RUVBL2: variants seen among roughly 807,000 people sequenced by gnomAD.
The protein encoded by RUVBL2 is RuvB like AAA ATPase 2, also known as ruvB-like 2.
Under a neutral mutation model 57.9 loss-of-function variants are expected in RUVBL2, and 9 were observed. That is an observed-to-expected ratio of 0.16 (90% CI 0.09 to 0.27). RUVBL2 has a LOEUF of 0.27. Among genes scored for constraint, RUVBL2 ranks in the 10% least tolerant of loss-of-function variants. The pLI, the probability that RUVBL2 is intolerant of heterozygous loss-of-function variation, is 1.00. For synonymous variants in RUVBL2, 278 were observed against 264.6 expected, an observed-to-expected ratio of 1.05 and a Z score of -0.49; for missense variants, 456 against 669.6, an observed-to-expected ratio of 0.68 and a Z score of 3.52.
At chr19:49,006,868 C>T (rs1404039394) in intron 4 of RUVBL2, 150 bp from the exon 5 acceptor site, 15 of 980,312 alleles carry the variant, frequency 1.5e-5, no homozygotes, top group Admixed American at 1.1e-4. Context: ...CCCTCCCCAG[C>T]GCTCTGCTCA....
intron 1 of RUVBL2, among the ~76,000 whole-genome samples, chr19:48,999,004 G>A (rs2039122087): frequency 6.6e-6 from 1 of 152,098 alleles, no homozygotes; most frequent in Admixed American, 6.5e-5. Context: ...TCCAGCCTGG[G>A]TGACAGAGCG....
chr19:49,012,880 C>T (rs577532419), intron 11 of RUVBL2, among the ~76,000 whole-genome samples: 1,785 of 151,616 alleles, frequency 0.012, 40 homozygotes, highest in African/African-American at 0.041. Flanking sequence ...CACACACACA[C>T]ACACCACCCC....
chr19:49,007,328 A>T lies in RUVBL2; in HGVS notation c.422A>T (p.Glu141Val). ...IKEETEIIEG[E>V]VVEIQIDRPA... The stretch of plus-strand genomic sequence containing the variant: ...GAGGAGACGGAGATCATCGAAGGGG[A>T]GGTGGTGGAGATCCAGATTGATCGA... Residue 141 changes from glutamate (E) to valine (V), a missense_variant, in exon 6 of 15, where the codon GAG becomes GTG. Transcript: ENST00000595090. 1 of 1,613,972 alleles carries T rather than the reference A, an allele frequency of 6.2e-7. No homozygotes were observed. The highest frequency in any genetic ancestry group is 8.5e-7 in the Non-Finnish European group (1 of 1,179,980).
chr19:49,013,828 C>T (rs1338925683), intron 11 of RUVBL2, among the ~76,000 whole-genome samples: 2 of 152,182 alleles, frequency 1.3e-5, no homozygotes, highest in Non-Finnish European at 2.9e-5. Context: ...GCAGGAGGAT[C>T]GGTTGAACCC....
chr19:49,000,076 A>T (rs2122588458), intron 2 of RUVBL2, among the ~76,000 whole-genome samples: 1 of 152,316 alleles, frequency 6.6e-6, no homozygotes, highest in African/African-American at 2.4e-5. Context: ...CCAGTGCTGG[A>T]TTCCTGGAGC....
In RUVBL2 at chr19:48,999,257, A is replaced by G. The variant is rs2039129183; in HGVS notation, c.13-62A>G. ...AAGGACCATCTCATGGGAGGGACAG[A>G]GGAGGGGTTGGTGAAAGCTGGGACC... On this transcript the variant is annotated intron_variant, in intron 1 of 14. Transcript: ENST00000595090. The G allele has an allele frequency of 7.0e-6, 11 of 1,561,182 alleles. No individual in the cohort carries two copies. The South Asian group carries it at 1.1e-4, about 16-fold the overall frequency.
chr19:48,993,783 C>A (rs1006103639), upstream of RUVBL2: 1 of 1,281,384 alleles, frequency 7.8e-7, no homozygotes, highest in African/African-American at 1.5e-5. Context: ...CCGCCACGCC[C>A]CCACAATATT....
intron 11 of RUVBL2, among the ~76,000 whole-genome samples, chr19:49,013,832 T>G (rs1434823010): frequency 6.6e-6 from 1 of 152,206 alleles, no homozygotes; most frequent in African/African-American, 2.4e-5. Context: ...GAGGATCGGT[T>G]GAACCCGGGA....
chr19:48,996,706 T>C (rs2039069414), intron 1 of RUVBL2, among the ~76,000 whole-genome samples: 1 of 152,194 alleles, frequency 6.6e-6, no homozygotes, highest in African/African-American at 2.4e-5. Context: ...TTTGTATTTT[T>C]AGTGTAGACT....
chr19:48,999,910 G>A (rs528444170), intron 2 of RUVBL2, among the ~76,000 whole-genome samples: 8 of 152,330 alleles, frequency 5.3e-5, no homozygotes, highest in African/African-American at 1.9e-4. Flanking sequence ...ACACAGAGCA[G>A]GAAGTTGAGA....
chr19:48,993,729 C>A (rs1410778798), upstream of RUVBL2: 1 of 730,484 alleles, frequency 1.4e-6, no homozygotes. Context: ...TTCCGGACGC[C>A]CGTCTTCCAG....
chr19:49,015,064 G>A lies in RUVBL2; in HGVS notation c.1165G>A (p.Val389Met). 1 of 1,608,642 alleles carries A rather than the reference G, an allele frequency of 6.2e-7. No individual in the cohort carries two copies. Among genetic ancestry groups the A allele is most frequent in the South Asian group, 1.1e-5 (1 of 90,086 alleles). Residue 389 changes from valine to methionine, a missense_variant, in exon 13 of 15, where the codon GTG becomes ATG. Val to Met is a conservative substitution (Grantham distance 21). This residue lies in a region of RUVBL2 where 130 missense variants were observed against 243.0 expected (regional missense o/e 0.53). Coordinates refer to ENST00000595090, the MANE Select transcript of RUVBL2 (RefSeq NM_006666.3). ...GGAGATGAGTGAGGACGCCTACACG[G>A]TGCTGACCCGCATCGGGCTGGAGAC... ...DVEMSEDAYTVLTRIGLETSL... is the reference protein window; with the variant it reads ...DVEMSEDAYTMLTRIGLETSL...
At position 48,999,329 on chromosome 19, in the gene RUVBL2, C is replaced by A. The variant is rs1269789575; in HGVS notation, c.23C>A (p.Thr8Asn). Residue 8 changes from threonine to asparagine, a missense_variant, in exon 2 of 15, where the codon ACC becomes AAC. Transcript: ENST00000595090. ...TTCTTGCACCCCCAGACAGCCACAACCAAAGTCCCGGAGATCCGTGATGTA... is the reference window on the plus strand; with the variant it reads ...TTCTTGCACCCCCAGACAGCCACAAACAAAGTCCCGGAGATCCGTGATGTA... MATVTATTKVPEIRDVTR... is the reference protein window; with the variant it reads MATVTATNKVPEIRDVTR... 1.9e-6 allele frequency: 3 copies of A among 1,614,216 alleles called. No homozygotes were observed. The highest frequency in any genetic ancestry group is 2.5e-6 in the Non-Finnish European group (3 of 1,180,040).
rs1159639711 is a variant in RUVBL2 at position 49,014,939 on chromosome 19, G to T, written c.1122-82G>T. ...CGCCACATATTCCCAGTGGGGAAGG[G>T]CCAGAGGGTTGCTGTGGCCACTTCT... is the stretch of plus-strand genomic sequence containing the variant. On this transcript the variant is annotated intron_variant, in intron 12 of 14. Coordinates refer to ENST00000595090, the MANE Select transcript of RUVBL2 (RefSeq NM_006666.3). 6 of 1,518,472 alleles carry T rather than the reference G, an allele frequency of 4.0e-6. No individual in the cohort carries two copies. The African/African-American group carries it at 8.3e-5, about 21-fold the overall frequency. 94.1% of individuals were successfully genotyped at this position (1,518,472 alleles called of 1,614,324 possible).
chr19:48,993,772 C>T, upstream of RUVBL2: 2 of 1,156,788 alleles, frequency 1.7e-6, no homozygotes, highest in Non-Finnish European at 1.3e-6. Context: ...GGCATAAAGT[C>T]CCGCCACGCC....
At chr19:48,993,562 G>GGGA (rs2038987671), upstream of RUVBL2, 5 of 473,666 alleles carry the variant, frequency 1.1e-5, no homozygotes, top group Non-Finnish European at 1.9e-5. Context: ...CCTCAAAGTG[G>GGGA]GGAGGAGGAG....
intron 4 of RUVBL2, among the ~76,000 whole-genome samples, chr19:49,005,697 G>A (rs144387711): frequency 2.7e-5 from 4 of 150,212 alleles, no homozygotes; most frequent in African/African-American, 9.8e-5. Flanking sequence ...GTGCAGTGGT[G>A]TGATCTTCGC....
At position 49,014,962 on chromosome 19, in the gene RUVBL2, T is replaced by G; in HGVS notation, c.1122-59T>G. The G allele has an allele frequency of 2.6e-6, 4 of 1,553,524 alleles. No homozygotes were observed. The South Asian group carries it at 4.8e-5, about 18-fold the overall frequency. On this transcript the variant is annotated intron_variant, in intron 12 of 14. Transcript: ENST00000595090. Reference sequence around the variant, plus strand: ...GGGCCAGAGGGTTGCTGTGGCCACTTCTGCTGCAGTCAGAGGCTGGGCCCC... The same window carrying G: ...GGGCCAGAGGGTTGCTGTGGCCACTGCTGCTGCAGTCAGAGGCTGGGCCCC...
chr19:49,003,958 T>A (rs1214084363), intron 3 of RUVBL2, among the ~76,000 whole-genome samples: 1 of 150,568 alleles, frequency 6.6e-6, no homozygotes, highest in Non-Finnish European at 1.5e-5. Context: ...CTACAAAAAA[T>A]TTTAAAAATT....
Sources: allele counts gnomAD v4.1 joint callset (sites outside exome capture counted in the v4.1 genomes callset), GRCh38; gene constraint gnomAD v4.1.1; regional missense constraint gnomAD v4.1.1; transcripts MANE v1.5; gene names NCBI Gene and HGNC (gene_info 2026-07-23, HGNC 2026-07-21).